The following LRP5 variants were observed in gnomAD, a reference collection of about 807,000 sequenced individuals.
LRP5 encodes the protein low-density lipoprotein receptor-related protein 5.
Under a neutral mutation model 154.1 loss-of-function variants are expected in LRP5, and 62 were observed. The ratio of observed to expected loss-of-function variants is 0.40; its 90% confidence interval spans 0.33 to 0.50. The LOEUF (loss-of-function observed/expected upper bound fraction) is 0.50. LRP5 is among the 20% of genes least tolerant of loss of function. The pLI is 0.55. For missense variants in LRP5, 1,915 were observed against 2,336.7 expected (o/e 0.82, Z 3.72); for synonymous variants, 966 against 1,011.5 (o/e 0.96, Z 0.85).
rs567157474 is a variant in LRP5, at chr11:68,413,667, G to A, written c.2504-22G>A. On this transcript the variant is annotated intron_variant, in intron 11 of 22. Transcript: ENST00000294304. The surrounding 1 kb of genome is among the most constrained non-coding windows in gnomAD (Gnocchi z 5.1). Reference sequence around the variant, plus strand: ...GCCTGGCTGTGCCTTTGCTGACACCGTGCCCGTGTGTGTTCATGCAGGTCA... The same window carrying A: ...GCCTGGCTGTGCCTTTGCTGACACCATGCCCGTGTGTGTTCATGCAGGTCA... 59 of 1,609,064 alleles carry A rather than the reference G, an allele frequency of 3.7e-5. No individual in the cohort carries two copies. Among genetic ancestry groups the A allele is most frequent in the African/African-American group, 2.9e-4 (22 of 74,964 alleles).
At chr11:68,307,232 GA>G in the LRP5 span, among the ~76,000 whole-genome samples, 32 of 152,214 alleles carry the variant, frequency 2.1e-4, no homozygotes, top group Middle Eastern at 0.01. Context: ...AACACTTTGG[GA>G]GGCCAGGCCA....
chr11:68,416,280 C>T (rs553627010), intron 12 of LRP5, 48 bp from the exon 13 acceptor site: 2 of 1,552,020 alleles, frequency 1.3e-6, no homozygotes, highest in Non-Finnish European at 1.8e-6. Context: ...TCCAGCTCCT[C>T]TGTGGCTTAC....
At chr11:68,372,880 C>A (rs1447790918) in intron 5 of LRP5, among the ~76,000 whole-genome samples, 1 of 152,026 alleles carries the variant, frequency 6.6e-6, no homozygotes, top group South Asian at 2.1e-4. Flanking sequence ...GCGTGTGGCT[C>A]CCTTTCCTGT....
chr11:68,388,044 G>A (rs948764397), intron 6 of LRP5, among the ~76,000 whole-genome samples: 1 of 152,076 alleles, frequency 6.6e-6, no homozygotes, highest in South Asian at 2.1e-4. Flanking sequence ...AGCAGGCAGC[G>A]GGAGTGCAGC....
At chr11:68,442,957 G>A (rs1323243437) in intron 21 of LRP5, among the ~76,000 whole-genome samples, 1 of 152,128 alleles carries the variant, frequency 6.6e-6, no homozygotes, top group Admixed American at 6.5e-5. Context: ...GTCAGGCGTG[G>A]CTGGGCCCCC....
At chr11:68,405,812 T>C (rs1483941308) in intron 8 of LRP5, among the ~76,000 whole-genome samples, 4 of 152,258 alleles carry the variant, frequency 2.6e-5, no homozygotes, top group Non-Finnish European at 5.9e-5. Flanking sequence ...TTGGCCATGC[T>C]GGGCCAATGT....
At chr11:68,432,327 G>A (rs1428491728) in intron 17 of LRP5, among the ~76,000 whole-genome samples, 6 of 152,198 alleles carry the variant, frequency 3.9e-5, no homozygotes, top group African/African-American at 1.2e-4. Context: ...CCGGTCCTCC[G>A]TGTCCCCCAT....
chr11:68,372,593 CAG>C (rs2153144582), intron 5 of LRP5, among the ~76,000 whole-genome samples: 1 of 152,222 alleles, frequency 6.6e-6, no homozygotes, highest in Non-Finnish European at 1.5e-5. Flanking sequence ...CTCTGTGCTT[CAG>C]TTTGTCCGTT....
At chr11:68,393,055 A>G (rs572689678) in intron 7 of LRP5, among the ~76,000 whole-genome samples, 4 of 151,924 alleles carry the variant, frequency 2.6e-5, no homozygotes, top group Non-Finnish European at 5.9e-5. Flanking sequence ...GCTTAAGCCC[A>G]GGAGGTCAAG....
In LRP5 at chr11:68,386,275, C is replaced by T; in HGVS notation, c.1016-41C>T. ...CCCAGGCCTAGACTTGTGCCTGCTG[C>T]AGGCCCTTGACCCCTGACCCCATTG... is the stretch of plus-strand genomic sequence containing the variant. On this transcript the variant is annotated intron_variant, in intron 5 of 22. Transcript: ENST00000294304. The surrounding 1 kb of genome is among the most constrained non-coding windows in gnomAD (Gnocchi z 7.9). 2 of 1,605,900 alleles carry T rather than the reference C, an allele frequency of 1.2e-6. No individual in the cohort carries two copies. Among genetic ancestry groups the T allele is most frequent in the African/African-American group, 1.3e-5 (1 of 75,028 alleles).
chr11:68,376,219 T>A (rs2153146652), intron 5 of LRP5, among the ~76,000 whole-genome samples: 1 of 143,390 alleles, frequency 7.0e-6, no homozygotes, highest in East Asian at 2.1e-4. Context: ...TCTCTCTCTG[T>A]CACCTAGGCT....
At chr11:68,446,060 A>T (rs544698208) in intron 21 of LRP5, among the ~76,000 whole-genome samples, 1 of 152,296 alleles carries the variant, frequency 6.6e-6, no homozygotes, top group South Asian at 2.1e-4. Flanking sequence ...GTGAGGTGCT[A>T]ACTGGTGTGG....
chr11:68,408,515 A>G (rs1281774502), intron 9 of LRP5, among the ~76,000 whole-genome samples: 1 of 152,172 alleles, frequency 6.6e-6, no homozygotes, highest in Non-Finnish European at 1.5e-5. Context: ...CTCTCCAGCC[A>G]GAGACGACCG....
chr11:68,441,094 T>C (rs1466347047), intron 21 of LRP5, among the ~76,000 whole-genome samples: 1 of 150,144 alleles, frequency 6.7e-6, no homozygotes, highest in Non-Finnish European at 1.5e-5. Flanking sequence ...TTTTCTTTTT[T>C]CTGAGACAGG....
intron 2 of LRP5, among the ~76,000 whole-genome samples, chr11:68,356,240 T>C (rs1591217491): frequency 6.6e-6 from 1 of 151,074 alleles, no homozygotes; most frequent in South Asian, 2.1e-4. Context: ...CTCCCAGGGC[T>C]GAAGGGATCC....
At chr11:68,400,217 G>A (rs1288004400) in intron 7 of LRP5, among the ~76,000 whole-genome samples, 1 of 152,170 alleles carries the variant, frequency 6.6e-6, no homozygotes, top group Non-Finnish European at 1.5e-5. Flanking sequence ...TGTGGAGCAA[G>A]GGTAGAGAGG....
chr11:68,332,442 C>G (rs752830845), intron 1 of LRP5, among the ~76,000 whole-genome samples: 6 of 152,234 alleles, frequency 3.9e-5, no homozygotes, highest in Non-Finnish European at 7.3e-5. Context: ...GCACCAGGTT[C>G]CACTGGGTGG....
intron 13 of LRP5, among the ~76,000 whole-genome samples, chr11:68,421,069 AC>A (rs568820220): frequency 1.3e-5 from 2 of 152,032 alleles, no homozygotes; most frequent in Non-Finnish European, 2.9e-5. Context: ...TACTAAAAAT[AC>A]CAAAAAACTA....
chr11:68,431,470 C>A (rs1306802935), intron 17 of LRP5, among the ~76,000 whole-genome samples: 1 of 151,992 alleles, frequency 6.6e-6, no homozygotes, highest in Non-Finnish European at 1.5e-5. Flanking sequence ...GAACTCCTGA[C>A]CTCAGGTGAT....
Sources: allele counts gnomAD v4.1 joint callset (sites outside exome capture counted in the v4.1 genomes callset), GRCh38; gene constraint gnomAD v4.1.1; non-coding constraint Gnocchi (gnomAD v3.1); transcripts MANE v1.5; gene names NCBI Gene and HGNC (gene_info 2026-07-23, HGNC 2026-07-21).